FGF3: variants seen among roughly 807,000 people sequenced by gnomAD.
FGF3 encodes the protein FGF-3.
Under a neutral mutation model 9.8 loss-of-function variants are expected in FGF3, and 7 were observed. The ratio of observed to expected loss-of-function variants is 0.72; its 90% CI spans 0.41 to 1.35. The LOEUF is 1.35. Among genes scored for constraint, FGF3 ranks in the 40% most tolerant of loss-of-function variants. FGF3 has a pLI of 0.01. For missense variants in FGF3, 390 were observed against 345.6 expected (o/e 1.13, Z -1.02); for synonymous variants, 173 against 157.2 (o/e 1.10, Z -0.75).
rs1855999048 is a variant in FGF3, at chr11:69,810,145, C to T, written c.*160G>A. 2.9e-6 allele frequency: 2 copies of T among 698,786 alleles called. No homozygotes were observed. Among genetic ancestry groups the T allele is most frequent in the Non-Finnish European group, 4.5e-6 (2 of 442,952 alleles). The allele number at this position is 698,786 out of a possible 1,614,324, so 43.3% of individuals were successfully genotyped here. A position where few individuals can be genotyped will look rare whatever the true frequency, so the allele number is the denominator to read the frequency against. ...CCCCCTCCGAGCTCCGACTTGGGCC[C>T]TCTTCAGTTCCCACTGGACCCTGAT... On this transcript the variant is annotated 3_prime_UTR_variant, in exon 3 of 3. Transcript: ENST00000334134.
At chr11:69,811,700 G>A (rs1222771232) in intron 2 of FGF3, among the ~76,000 whole-genome samples, 1 of 152,092 alleles carries the variant, frequency 6.6e-6, no homozygotes, top group Non-Finnish European at 1.5e-5. Context: ...CTGGCATGAG[G>A]CACATGATCA....
chr11:69,815,425 G>A (rs868933737), intron 2 of FGF3, among the ~76,000 whole-genome samples: 3 of 152,150 alleles, frequency 2.0e-5, no homozygotes, highest in Non-Finnish European at 2.9e-5. Flanking sequence ...GGCGCATCCC[G>A]GCTTTCTGGA....
At chr11:69,816,946 A>T (rs891870561) in intron 1 of FGF3, among the ~76,000 whole-genome samples, 3 of 152,204 alleles carry the variant, frequency 2.0e-5, no homozygotes, top group Non-Finnish European at 4.4e-5. Flanking sequence ...TAACACAGCC[A>T]GGGTGCCTGC....
At chr11:69,815,146 G>T (rs1856107130) in intron 2 of FGF3, among the ~76,000 whole-genome samples, 1 of 150,128 alleles carries the variant, frequency 6.7e-6, no homozygotes, top group Non-Finnish European at 1.5e-5. Context: ...TAGGTGGATG[G>T]GTGGATGGGT....
At chr11:69,812,179 C>A in intron 2 of FGF3, among the ~76,000 whole-genome samples, 1 of 152,118 alleles carries the variant, frequency 6.6e-6, no homozygotes, top group East Asian at 1.9e-4. Context: ...TGGGGACTGG[C>A]CGCAGGGAGG....
At chr11:69,815,166 AATGGGTGG>A (rs1328288114) in intron 2 of FGF3, among the ~76,000 whole-genome samples, 13 of 86,070 alleles carry the variant, frequency 1.5e-4, no homozygotes, top group Non-Finnish European at 2.6e-4. Flanking sequence ...TGGATGGGTA[AATGGGTGG>A]ATGGGTGGAT....
chr11:69,813,360 C>T (rs868916942), intron 2 of FGF3, among the ~76,000 whole-genome samples: 8 of 152,324 alleles, frequency 5.3e-5, no homozygotes, highest in Admixed American at 3.3e-4. Flanking sequence ...GGCACCTGGG[C>T]TGCTGCTCTG....
chr11:69,813,596 GTGGATGGATGGATGGATGGGTGGA>G (rs1856062812), intron 2 of FGF3, among the ~76,000 whole-genome samples: 2 of 67,230 alleles, frequency 3.0e-5, no homozygotes, highest in African/African-American at 1.2e-4. Flanking sequence ...AGATGGGTGG[GTGGATGGATGGATGGATGGGTGGA>G]TGGATGGATG....
At position 69,813,685 on chromosome 11, in the gene FGF3, TG is replaced by T. The variant is rs544958141; in HGVS notation, c.324+2634del. On this transcript the variant is annotated intron_variant, in intron 2 of 2. Transcript: ENST00000334134. ...ATGGGTGGATGGCTGGATGGATGGA[TG>T]GGTGGATGGATGGATAGGTGGATGG... Among the ~76,000 whole-genome samples the T allele has an allele frequency of 8.0e-4, 107 of 133,290 alleles. 2 individuals are homozygous for T. Among genetic ancestry groups the T allele is most frequent in the African/African-American group, 3.0e-3 (104 of 34,326 alleles). The allele number at this position is 133,290 out of a possible 152,430, so 87.4% of individuals were successfully genotyped here. A position where few individuals can be genotyped will look rare whatever the true frequency, so the allele number is the denominator to read the frequency against.
chr11:69,813,330 C>A (rs540225155), intron 2 of FGF3, among the ~76,000 whole-genome samples: 5 of 152,198 alleles, frequency 3.3e-5, no homozygotes, highest in African/African-American at 7.2e-5. Context: ...CTCTGGATGA[C>A]AGCCCCCCTG....
chr11:69,811,450 C>CAAAAAAAAAAAAA (rs33951596), intron 2 of FGF3, among the ~76,000 whole-genome samples: 3 of 97,354 alleles, frequency 3.1e-5, no homozygotes, highest in Non-Finnish European at 6.3e-5. Context: ...AACTCTGACT[C>CAAAAAAAAAAAAA]AAAAAAAAAA....
intron 2 of FGF3, among the ~76,000 whole-genome samples, chr11:69,813,653 T>C (rs1590963018): frequency 1.4e-5 from 2 of 138,734 alleles, no homozygotes; most frequent in East Asian, 4.5e-4. Flanking sequence ...GATGGGTGGA[T>C]GGATGGATGG....
chr11:69,810,206 G>T lies in FGF3; in HGVS notation c.*99C>A. 8.5e-7 allele frequency: 1 copy of T among 1,174,286 alleles called. No individual in the cohort carries two copies. Among genetic ancestry groups the T allele is most frequent in the Non-Finnish European group, 1.2e-6 (1 of 853,746 alleles). The allele number at this position is 1,174,286 out of a possible 1,614,324, so 72.7% of individuals were successfully genotyped here. On this transcript the variant is annotated 3_prime_UTR_variant, in exon 3 of 3. Transcript: ENST00000334134. ...TCTGGAAATAGCTGAGAACCCAGAC[G>T]CGGGACGCAGGGGCAAGGGCTCAAG...
intron 2 of FGF3, among the ~76,000 whole-genome samples, chr11:69,814,001 GGATGGACATGTGAATGGGCA>G (rs1270532677): frequency 2.6e-5 from 4 of 152,038 alleles, no homozygotes; most frequent in African/African-American, 9.6e-5. Flanking sequence ...GAGCATGGAC[GGATGGACATGTGAATGGGCA>G]GATGGACAGA....
rs540215866 is a variant in FGF3 at position 69,819,168 on chromosome 11, C to T, written c.-235G>A. 3.3e-5 allele frequency: 13 copies of T among 390,862 alleles called. No individual in the cohort carries two copies. The highest frequency in any genetic ancestry group is 5.0e-5 in the Non-Finnish European group (11 of 220,780). 24.2% of individuals were successfully genotyped at this position (390,862 alleles called of 1,614,324 possible). A position where few individuals can be genotyped will look rare whatever the true frequency, so the allele number is the denominator to read the frequency against. ...GAGGGAACGCGAGTCCCTTTAATTT[C>T]CACCCAGGAGCAATGAAATTTCCGT... On this transcript the variant is annotated 5_prime_UTR_variant, in exon 1 of 3. Coordinates refer to ENST00000334134, the MANE Select transcript of FGF3 (RefSeq NM_005247.4).
rs1856004983 is a variant in FGF3 at position 69,810,398 on chromosome 11, T to C, written c.627A>G (p.Arg209=). The part of the protein sequence containing the change: ...PRPPGKGVQP[R]RRRQKQSPDN... ...CCGGGCTCTGCTTCTGCCGCCGCCG[T>C]CGGGGCTGGACCCCCTTACCAGGGG... The change falls in exon 3 of 3, where the codon CGA becomes CGG. Residue 209 remains arginine (R), a synonymous_variant. Coordinates refer to ENST00000334134, the MANE Select transcript of FGF3 (RefSeq NM_005247.4). 6.4e-7 allele frequency: 1 copy of C among 1,559,572 alleles called. No homozygotes were observed. The highest frequency in any genetic ancestry group is 8.7e-7 in the Non-Finnish European group (1 of 1,149,018).
Position 69,810,537 on chromosome 11 carries a change from G to T in FGF3, c.488C>A (p.Pro163His). 1 of 1,612,264 alleles carries T rather than the reference G, an allele frequency of 6.2e-7. No individual in the cohort carries two copies. Among genetic ancestry groups the T allele is most frequent in the Non-Finnish European group, 8.5e-7 (1 of 1,179,568 alleles). The change falls in exon 3 of 3, where the codon CCC (proline) becomes CAC (histidine). Residue 163 changes from proline to histidine, a missense_variant. Physicochemically the swap from Pro to His is moderately conservative, Grantham distance 77 (BLOSUM62 -2). Coordinates refer to ENST00000334134, the MANE Select transcript of FGF3 (RefSeq NM_005247.4). Reference sequence around the variant, plus strand: ...GCGGCGGGTCTTGAAGCCCCTGCGGGGCCGGCCCTTGCCGTTCACAGACAC... The same window carrying T: ...GCGGCGGGTCTTGAAGCCCCTGCGGTGCCGGCCCTTGCCGTTCACAGACAC... ...WYVSVNGKGR[P>H]RRGFKTRRTQ... is the part of the protein sequence containing the mutation.
At position 69,810,225 on chromosome 11, in the gene FGF3, G is replaced by A. The variant is rs899844495; in HGVS notation, c.*80C>T. ...CCAGACGCGGGACGCAGGGGCAAGG[G>A]CTCAAGGAGGAGAGTCAGAGTCAAG... is the stretch of plus-strand genomic sequence containing the variant. On this transcript the variant is annotated 3_prime_UTR_variant, in exon 3 of 3. Transcript: ENST00000334134. 71 of 1,337,048 alleles carry A rather than the reference G, an allele frequency of 5.3e-5. No homozygotes were observed. Among genetic ancestry groups the A allele is most frequent in the Admixed American group, 1.0e-4 (4 of 38,386 alleles). The allele number at this position is 1,337,048 out of a possible 1,614,324, so 82.8% of individuals were successfully genotyped here. A position where few individuals can be genotyped will look rare whatever the true frequency, so the allele number is the denominator to read the frequency against.
intron 1 of FGF3, among the ~76,000 whole-genome samples, chr11:69,817,905 C>G (rs2119935638): frequency 6.6e-6 from 1 of 152,356 alleles, no homozygotes; most frequent in African/African-American, 2.4e-5. Context: ...CCGGCAGACT[C>G]CCGCGGTGAG....
Sources: allele counts gnomAD v4.1 joint callset (sites outside exome capture counted in the v4.1 genomes callset), GRCh38; gene constraint gnomAD v4.1.1; transcripts MANE v1.5; gene names NCBI Gene and HGNC (gene_info 2026-07-23, HGNC 2026-07-21).